Variants in GRIK5 observed in about 807,000 individuals in gnomAD.
The protein encoded by GRIK5 is glutamate ionotropic receptor kainate type subunit 5.
Under a neutral mutation model 97.4 loss-of-function variants are expected in GRIK5, and 43 were observed. The ratio of observed to expected loss-of-function variants is 0.44; its 90% confidence interval spans 0.35 to 0.57. GRIK5 has a LOEUF of 0.57. Among genes scored for constraint, GRIK5 ranks in the 20% least tolerant of loss-of-function variants. GRIK5 has a pLI of 0.01. For synonymous variants in GRIK5, 580 were observed against 583.5 expected (o/e 0.99, Z 0.09); for missense variants, 1,015 against 1,382.0 (o/e 0.73, Z 4.21).
chr19:42,016,158 C>T (rs1039828239), intron 15 of GRIK5, among the ~76,000 whole-genome samples: 5 of 152,304 alleles, frequency 3.3e-5, no homozygotes, highest in African/African-American at 4.8e-5. Flanking sequence ...CAGTGGCTCA[C>T]GCCTGTATCC....
At position 42,005,859 on chromosome 19, in the gene GRIK5, A is replaced by G; in HGVS notation, c.2127T>C (p.Ile709=). 6.2e-7 allele frequency: 1 copy of G among 1,612,086 alleles called. No individual in the cohort carries two copies. Among genetic ancestry groups the G allele is most frequent in the South Asian group, 1.1e-5 (1 of 90,996 alleles). ...SVFVKSTEEG[I]ARVLNSRYAF... is the part of the protein sequence containing the mutation. ...CGTAGCGGGAGTTGAGGACGCGGGC[A>G]ATGCCCTCTTCTGTGCTCTTGACGA... Residue 709 remains isoleucine, a synonymous_variant, in exon 17 of 20, where the codon ATT becomes ATC. Transcript: ENST00000593562.
At chr19:42,055,290 C>T (rs1258042398) in intron 8 of GRIK5, among the ~76,000 whole-genome samples, 1 of 151,390 alleles carries the variant, frequency 6.6e-6, no homozygotes, top group Non-Finnish European at 1.5e-5. Context: ...CACAAATGTG[C>T]CTCTGTGTTG....
intron 11 of GRIK5, among the ~76,000 whole-genome samples, chr19:42,047,848 G>C (rs1249576465): frequency 6.6e-6 from 1 of 151,646 alleles, no homozygotes; most frequent in Non-Finnish European, 1.5e-5. Context: ...GTGGGCGCCT[G>C]TAATCCCAGC....
Position 42,002,688 on chromosome 19 carries a change from G to A in GRIK5, c.2514+644C>T. On this transcript the variant is annotated intron_variant, in intron 19 of 19. Transcript: ENST00000593562. The surrounding 1 kb of genome is among the most constrained non-coding windows in gnomAD (Gnocchi z 5.2). ...GGTCTGGAAATGCAGGGGTGTGGCT[G>A]GGCGGCCCCCAGGGACATGGAAGCA... The A allele has an allele frequency of 3.3e-6, 2 of 608,328 alleles. No individual in the cohort carries two copies. Among genetic ancestry groups the A allele is most frequent in the Non-Finnish European group, 5.8e-6 (2 of 342,126 alleles). The allele number at this position is 608,328 out of a possible 1,614,324, so 37.7% of individuals were successfully genotyped here.
chr19:42,039,220 T>C (rs1378798170), intron 12 of GRIK5, among the ~76,000 whole-genome samples: 1 of 152,200 alleles, frequency 6.6e-6, no homozygotes, highest in Non-Finnish European at 1.5e-5. Context: ...ATGCCTGTAA[T>C]CCCAGCACTC....
chr19:42,060,577 A>G (rs1599846737), intron 5 of GRIK5, among the ~76,000 whole-genome samples: 1 of 144,260 alleles, frequency 6.9e-6, no homozygotes, highest in Admixed American at 6.9e-5. Context: ...CTCAATAAAT[A>G]CCTTTTTTTT....
At chr19:42,054,035 G>A (rs764738759) in intron 9 of GRIK5, 106 bp from the exon 10 acceptor site, 13 of 743,918 alleles carry the variant, frequency 1.7e-5, no homozygotes, top group South Asian at 4.7e-5. Context: ...CAGACAGACC[G>A]GGGTGGAGGG....
Position 42,065,490 on chromosome 19 carries a change from C to G in GRIK5, c.80-103G>C. ...TCTAGGGTGAGGTGGGTATACGGACCAGGGGTCTAGACACCTGGATCTGAG... is the reference window on the plus strand; with the variant it reads ...TCTAGGGTGAGGTGGGTATACGGACGAGGGGTCTAGACACCTGGATCTGAG... On this transcript the variant is annotated intron_variant, in intron 2 of 19. Coordinates refer to ENST00000593562, the MANE Select transcript of GRIK5 (RefSeq NM_002088.5). The surrounding 1 kb of genome is among the most constrained non-coding windows in gnomAD (Gnocchi z 5.8). 1 of 1,248,830 alleles carries G rather than the reference C, an allele frequency of 8.0e-7. No homozygotes were observed. The highest frequency in any genetic ancestry group is 2.4e-5 in the East Asian group (1 of 41,134). 77.4% of individuals were successfully genotyped at this position (1,248,830 alleles called of 1,614,324 possible).
chr19:42,030,231 G>A (rs947588069), intron 12 of GRIK5, among the ~76,000 whole-genome samples: 4 of 152,106 alleles, frequency 2.6e-5, no homozygotes, highest in African/African-American at 9.7e-5. Flanking sequence ...GCCCAGGCTG[G>A]AGTGCAGTGG....
At chr19:42,048,488 C>T (rs1190448745) in intron 11 of GRIK5, among the ~76,000 whole-genome samples, 1 of 151,962 alleles carries the variant, frequency 6.6e-6, no homozygotes, top group South Asian at 2.1e-4. Context: ...GGCGTGGTGG[C>T]AGGCGCCTGT....
intron 12 of GRIK5, among the ~76,000 whole-genome samples, chr19:42,039,354 T>TC (rs2075949806): frequency 6.6e-6 from 1 of 152,198 alleles, no homozygotes. Flanking sequence ...GCGCCTGTAG[T>TC]CCCAGCTACT....
In GRIK5 at chr19:42,062,745, C is replaced by G; in HGVS notation, c.342+13G>C. On this transcript the variant is annotated intron_variant, in intron 4 of 19. Coordinates refer to ENST00000593562, the MANE Select transcript of GRIK5 (RefSeq NM_002088.5). This position sits in a 1 kb window ranked among gnomAD's most constrained non-coding sequence, Gnocchi z 5.3. ...GCTCCCCACAAAGCGCCGGCCCACA[C>G]TCCCCATCTCACCTCCTTCTCTCCA... 6.2e-7 allele frequency: 1 copy of G among 1,612,754 alleles called. No homozygotes were observed. The highest frequency in any genetic ancestry group is 2.2e-5 in the East Asian group (1 of 44,874).
chr19:42,059,447 G>A lies in GRIK5; in HGVS notation c.589C>T (p.Arg197Trp), dbSNP rs766656809. The A allele has an allele frequency of 6.7e-5, 108 of 1,613,854 alleles. No homozygotes were observed. Among genetic ancestry groups the A allele is most frequent in the South Asian group, 1.1e-4 (10 of 91,058 alleles). ...TCCTTGAGCAGTGGTGTGGGGTCCC[G>A]GCTGTCGTCCAACATCCTCACTGAC... is the stretch of plus-strand genomic sequence containing the variant. The part of the protein sequence containing the change: ...TLSVRMLDDS[R>W]DPTPLLKEIR... The change falls in exon 6 of 20, where the codon CGG (arginine) becomes TGG (tryptophan). Residue 197 changes from arginine to tryptophan, a missense_variant. Arg to Trp is a moderately radical substitution (Grantham distance 101). This residue lies in a region of GRIK5 where 477 missense variants were observed against 701.1 expected (regional missense o/e 0.68). Transcript: ENST00000593562.
intron 15 of GRIK5, among the ~76,000 whole-genome samples, chr19:42,016,207 G>T (rs535419313): frequency 6.6e-6 from 1 of 152,274 alleles, no homozygotes; most frequent in African/African-American, 2.4e-5. Context: ...ATCATCTGAG[G>T]TCAGGAGTTC....
chr19:42,066,131 G>T (rs1004630808), intron 1 of GRIK5, among the ~76,000 whole-genome samples: 1 of 152,142 alleles, frequency 6.6e-6, no homozygotes, highest in South Asian at 2.1e-4. Context: ...TCAGGTAGGA[G>T]TGAATTCCTG....
chr19:42,065,350 A>T lies in GRIK5; in HGVS notation c.117T>A (p.Gly39=), dbSNP rs371876363. 1.9e-6 allele frequency: 3 copies of T among 1,605,666 alleles called. No homozygotes were observed. Among genetic ancestry groups the T allele is most frequent in the Non-Finnish European group, 1.7e-6 (2 of 1,175,936 alleles). The part of the protein sequence containing the change: ...ILDDQTVCGR[G]ERLALALARE... ...GGGCCAAGGCCAAGGCCAGACGCTC[A>T]CCGCGGCCACACACTGTCTGATCAT... Residue 39 remains glycine, a synonymous_variant, in exon 3 of 20, where the codon GGT becomes GGA. Transcript: ENST00000593562. The surrounding 1 kb of genome is among the most constrained non-coding windows in gnomAD (Gnocchi z 5.8).
At chr19:42,034,700 C>T (rs1484115692) in intron 12 of GRIK5, among the ~76,000 whole-genome samples, 2 of 152,130 alleles carry the variant, frequency 1.3e-5, no homozygotes, top group Non-Finnish European at 2.9e-5. Context: ...CTGTATTCCC[C>T]ACCCCTTTTA....
intron 12 of GRIK5, among the ~76,000 whole-genome samples, chr19:42,023,251 C>T (rs2075725190): frequency 2.0e-5 from 3 of 151,884 alleles, no homozygotes; most frequent in African/African-American, 7.3e-5. Flanking sequence ...TCGATAAAAC[C>T]GAGGAGCAGA....
intron 15 of GRIK5, among the ~76,000 whole-genome samples, chr19:42,019,481 T>G (rs1835029743): frequency 6.6e-6 from 1 of 152,238 alleles, no homozygotes; most frequent in South Asian, 2.1e-4. Flanking sequence ...ACTTGGACTG[T>G]GTGGCCGGCA....
Sources: allele counts gnomAD v4.1 joint callset (sites outside exome capture counted in the v4.1 genomes callset), GRCh38; gene constraint gnomAD v4.1.1; regional missense constraint gnomAD v4.1.1; non-coding constraint Gnocchi (gnomAD v3.1); transcripts MANE v1.5; gene names NCBI Gene and HGNC (gene_info 2026-07-23, HGNC 2026-07-21).